AKT2: variants seen among roughly 807,000 people sequenced by gnomAD.
AKT2 encodes RAC-beta serine/threonine-protein kinase.
A neutral mutation model predicts 58.6 loss-of-function variants in AKT2; 16 were observed. The observed-to-expected ratio is 0.27, with a 90% confidence interval of 0.18 to 0.41. The LOEUF is 0.41. Ranked by LOEUF, AKT2 falls within the 10% of genes least tolerant of loss-of-function variation. AKT2 has a pLI of 1.00. For synonymous variants in AKT2, 253 were observed against 254.0 expected (o/e 1.00, Z 0.04); for missense variants, 438 against 661.0 (o/e 0.66, Z 3.70).
intron 4 of AKT2, among the ~76,000 whole-genome samples, chr19:40,246,998 C>T (rs1974802554): frequency 6.6e-6 from 1 of 152,244 alleles, no homozygotes; most frequent in African/African-American, 2.4e-5. Flanking sequence ...CCTACCCTGG[C>T]TCCCACTGCC....
Position 40,235,489 on chromosome 19 carries a change from G to C in AKT2, c.1176-139C>G, listed in dbSNP as rs1973964870. 1.2e-6 allele frequency: 1 copy of C among 832,978 alleles called. No homozygotes were observed. The highest frequency in any genetic ancestry group is 1.7e-5 in the African/African-American group (1 of 59,594). 51.6% of individuals were successfully genotyped at this position (832,978 alleles called of 1,614,324 possible). ...ACCACTTCACAGAGGAGGAAACCGAGGCTCAGGGAGGGAGCTCACGTGCCC... is the reference window on the plus strand; with the variant it reads ...ACCACTTCACAGAGGAGGAAACCGACGCTCAGGGAGGGAGCTCACGTGCCC... On this transcript the variant is annotated intron_variant, in intron 11 of 13. Coordinates refer to ENST00000392038, the MANE Select transcript of AKT2 (RefSeq NM_001626.6). This position sits in a 1 kb window ranked among gnomAD's most constrained non-coding sequence, Gnocchi z 6.3.
chr19:40,257,177 G>A, intron 2 of AKT2, 123 bp from the exon 3 acceptor site: 2 of 1,301,946 alleles, frequency 1.5e-6, no homozygotes, highest in South Asian at 1.2e-5. Flanking sequence ...GGGAGGTGCG[G>A]GGGACACACG....
rs1568517756 is a variant in AKT2, at chr19:40,235,571, T to A, written c.1176-221A>T. ...CCCACGTGTCCTCACTGCCTGGCCT[T>A]ACCCTGAGTCCAGAAAGGGAGTTAG... On this transcript the variant is annotated intron_variant, in intron 11 of 13. Coordinates refer to ENST00000392038, the MANE Select transcript of AKT2 (RefSeq NM_001626.6). This position sits in a 1 kb window ranked among gnomAD's most constrained non-coding sequence, Gnocchi z 6.3. The A allele has an allele frequency of 1.6e-6, 1 of 630,852 alleles. No homozygotes were observed. The highest frequency in any genetic ancestry group is 1.8e-5 in the African/African-American group (1 of 54,982). The allele number at this position is 630,852 out of a possible 1,614,324, so 39.1% of individuals were successfully genotyped here.
In AKT2 at chr19:40,278,771, G is replaced by A. The variant is rs190349109; in HGVS notation, c.-85+6410C>T. Among the ~76,000 whole-genome samples the A allele has an allele frequency of 1.5e-4, 23 of 151,854 alleles. No individual in the cohort carries two copies. The East Asian group carries it at 3.3e-3, about 22-fold the overall frequency. Reference sequence around the variant, plus strand: ...CCTCAGGAGGCCTGTGCTTTCCAACGCAGCAGCTCCGTGCATCCTCCCCAC... The same window carrying A: ...CCTCAGGAGGCCTGTGCTTTCCAACACAGCAGCTCCGTGCATCCTCCCCAC... On this transcript the variant is annotated intron_variant, in intron 1 of 13. Transcript: ENST00000392038.
intron 1 of AKT2, chr19:40,273,619 G>C (rs1299492342): frequency 6.6e-6 from 1 of 151,902 alleles, no homozygotes; most frequent in Non-Finnish European, 1.5e-5. Context: ...GCAGGTTGAA[G>C]CCGTGGGCAG....
rs1974150669 is a variant in AKT2, at chr19:40,238,181, G to A, written c.709-90C>T. 6.7e-7 allele frequency: 1 copy of A among 1,499,912 alleles called. No individual in the cohort carries two copies. Among genetic ancestry groups the A allele is most frequent in the Non-Finnish European group, 9.0e-7 (1 of 1,108,982 alleles). 92.9% of individuals were successfully genotyped at this position (1,499,912 alleles called of 1,614,324 possible). A position where few individuals can be genotyped will look rare whatever the true frequency, so the allele number is the denominator to read the frequency against. The stretch of plus-strand genomic sequence containing the variant: ...CAGCCCCCTGCCCCAGCGCAGTGAT[G>A]TGGTGACACCTGTATCATGAACCAG... On this transcript the variant is annotated intron_variant, in intron 8 of 13. Coordinates refer to ENST00000392038, the MANE Select transcript of AKT2 (RefSeq NM_001626.6). This position sits in a 1 kb window ranked among gnomAD's most constrained non-coding sequence, Gnocchi z 5.1.
intron 4 of AKT2, among the ~76,000 whole-genome samples, chr19:40,251,265 A>T (rs1975137895): frequency 1.3e-5 from 2 of 152,168 alleles, no homozygotes; most frequent in African/African-American, 2.4e-5. Flanking sequence ...CAATTATTAA[A>T]TTTTTTAGGC....
At chr19:40,264,402 T>G (rs1027191428) in intron 2 of AKT2, among the ~76,000 whole-genome samples, 1 of 152,134 alleles carries the variant, frequency 6.6e-6, no homozygotes, top group Non-Finnish European at 1.5e-5. Flanking sequence ...TACAAATGGA[T>G]CAGGCCACGC....
intron 7 of AKT2, 152 bp from the exon 8 acceptor site, chr19:40,239,125 G>A (rs781584983): frequency 2.4e-4 from 159 of 653,420 alleles, no homozygotes; most frequent in Non-Finnish European, 3.7e-4. Context: ...TTCACATACC[G>A]GCTGCACCTT....
intron 4 of AKT2, among the ~76,000 whole-genome samples, chr19:40,245,486 A>G (rs1279577905): frequency 6.6e-6 from 1 of 152,180 alleles, no homozygotes; most frequent in East Asian, 1.9e-4. Flanking sequence ...AAACATCTCC[A>G]GAAGAGAAGT....
chr19:40,261,611 CAAG>C lies in AKT2; in HGVS notation c.46+3608_46+3610del, dbSNP rs373245852. 1.9e-3 allele frequency among the ~76,000 whole-genome samples: 293 copies of C among 151,554 alleles called. 1 individual carries two copies. The highest frequency in any genetic ancestry group is 6.8e-3 in the African/African-American group (281 of 41,298). ...TCCCCTTTCACCATGGGACGTGTGA[CAAG>C]AAGATGCCAACCCTGAATCTCGGAC... On this transcript the variant is annotated intron_variant, in intron 2 of 13. Coordinates refer to ENST00000392038, the MANE Select transcript of AKT2 (RefSeq NM_001626.6).
chr19:40,238,380 A>G lies in AKT2; in HGVS notation c.709-289T>C, dbSNP rs1394765016. Among the ~76,000 whole-genome samples the G allele has an allele frequency of 6.6e-6, 1 of 152,194 alleles. No individual in the cohort carries two copies. Among genetic ancestry groups the G allele is most frequent in the Non-Finnish European group, 1.5e-5 (1 of 68,036 alleles). ...CAAAAAGAAGCACACGTCATGACCA[A>G]GTAACAATAGGCCATGGGCAAGCCC... On this transcript the variant is annotated intron_variant, in intron 8 of 13. Transcript: ENST00000392038. The surrounding 1 kb of genome is among the most constrained non-coding windows in gnomAD (Gnocchi z 5.1).
rs528371972 is a variant in AKT2 at position 40,271,247 on chromosome 19, A to G, written c.-84-5896T>C. Reference sequence around the variant, plus strand: ...TATATACACACATATATATGTATATATACACGTATATATACATATATATAT... The same window carrying G: ...TATATACACACATATATATGTATATGTACACGTATATATACATATATATAT... On this transcript the variant is annotated intron_variant, in intron 1 of 13. Transcript: ENST00000392038. 5.4e-5 allele frequency among the ~76,000 whole-genome samples: 8 copies of G among 147,510 alleles called. No homozygotes were observed. In the Admixed American group the frequency reaches 5.5e-4, roughly 10 times the overall value.
At chr19:40,256,782 G>A in intron 3 of AKT2, 144 bp downstream of exon 3, 2 of 1,288,684 alleles carry the variant, frequency 1.6e-6, no homozygotes, top group Non-Finnish European at 1.1e-6. Context: ...CAAGGAGGGA[G>A]AGCAGGGGAA....
At chr19:40,257,803 T>C (rs2145312644) in intron 2 of AKT2, among the ~76,000 whole-genome samples, 1 of 152,230 alleles carries the variant, frequency 6.6e-6, no homozygotes, top group East Asian at 1.9e-4. Context: ...AACGGAAAAC[T>C]ATTCAGTCAT....
intron 4 of AKT2, among the ~76,000 whole-genome samples, chr19:40,245,544 C>G (rs1318158668): frequency 6.6e-6 from 1 of 152,018 alleles, no homozygotes; most frequent in African/African-American, 2.4e-5. Flanking sequence ...AACTGGGAGT[C>G]GAAGGAAAGG....
intron 3 of AKT2, 43 bp downstream of exon 3, chr19:40,256,883 C>T (rs777364598): frequency 1.2e-6 from 2 of 1,613,238 alleles, no homozygotes; most frequent in African/African-American, 1.3e-5. Context: ...TGCCAGCCAT[C>T]CTGTGAGCAC....
At chr19:40,240,207 A>C in intron 6 of AKT2, 97 bp from the exon 7 acceptor site, 1 of 1,243,362 alleles carries the variant, frequency 8.0e-7, no homozygotes, top group Non-Finnish European at 1.2e-6. Flanking sequence ...ATGCAATTCC[A>C]TTCCCAGCCA....
At chr19:40,280,822 C>G (rs145904926) in intron 1 of AKT2, 1 of 152,414 alleles carries the variant, frequency 6.6e-6, no homozygotes, top group East Asian at 1.9e-4. Flanking sequence ...TCCCCACAGC[C>G]GCATGCATCT....
Sources: gnomAD v4.1 joint callset for allele counts (sites outside exome capture counted in the v4.1 genomes callset) on GRCh38, gnomAD v4.1.1 for gene constraint, Gnocchi (gnomAD v3.1) non-coding constraint, MANE v1.5 for transcripts, NCBI Gene and HGNC (gene_info 2026-07-23, HGNC 2026-07-21) for gene names.